Variants in ZNF7 observed in about 807,000 individuals in gnomAD.
ZNF7 encodes C2-H2 type zinc finger protein.
In ZNF7, 10 loss-of-function variants were observed where a neutral mutation model predicts 12.0. The ratio of observed to expected loss-of-function variants is 0.83; its 90% CI spans 0.51 to 1.42. The LOEUF (loss-of-function observed/expected upper bound fraction) is 1.42. Among genes scored for constraint, ZNF7 ranks in the 40% most tolerant of loss-of-function variants. The pLI is 0.00. For missense variants in ZNF7, 854 were observed against 837.2 expected (o/e 1.02, Z -0.25); for synonymous variants, 334 against 295.0 (o/e 1.13, Z -1.35).
Position 144,827,571 on chromosome 8 carries a change from C to A in ZNF7, c.-84C>A. The A allele has an allele frequency of 3.0e-6, 3 of 985,726 alleles. No individual in the cohort carries two copies. The highest frequency in any genetic ancestry group is 3.6e-6 in the Non-Finnish European group (3 of 830,190). 61.1% of individuals were successfully genotyped at this position (985,726 alleles called of 1,614,324 possible). A position where few individuals can be genotyped will look rare whatever the true frequency, so the allele number is the denominator to read the frequency against. ...GGTGGCCAAGGCCCGTTTCCGGCGG[C>A]GTCGCGCGTTTGCGAGCCTCGGGTG... is the stretch of plus-strand genomic sequence containing the variant. On this transcript the variant is annotated 5_prime_UTR_variant, in exon 1 of 5. Transcript: ENST00000532777.
intron 4 of ZNF7, among the ~76,000 whole-genome samples, chr8:144,840,242 C>G (rs1335040982): frequency 6.6e-6 from 1 of 152,222 alleles, no homozygotes; most frequent in Non-Finnish European, 1.5e-5. Flanking sequence ...GCCTCCTGTC[C>G]TCACAGGCCT....
chr8:144,829,187 T>C, intron 2 of ZNF7, 97 bp downstream of exon 2: 1 of 1,591,750 alleles, frequency 6.3e-7, no homozygotes. Flanking sequence ...ACCTTGGCCC[T>C]TGCTGGGCTT....
In ZNF7 at chr8:144,842,251, A is replaced by G; in HGVS notation, c.1144A>G (p.Arg382Gly). 6.2e-7 allele frequency: 1 copy of G among 1,614,144 alleles called. No individual in the cohort carries two copies. Among genetic ancestry groups the G allele is most frequent in the Non-Finnish European group, 8.5e-7 (1 of 1,180,036 alleles). ...SQSSTLAQHQ[R>G]MHTGEKAQIL... ...GAGCTCCACCCTAGCCCAGCATCAA[A>G]GGATGCATACTGGGGAGAAAGCTCA... Residue 382 changes from arginine to glycine, a missense_variant, in exon 5 of 5, where the codon AGG becomes GGG. Coordinates refer to ENST00000532777, the MANE Select transcript of ZNF7 (RefSeq NM_003416.4).
chr8:144,841,925 C>A lies in ZNF7; in HGVS notation c.818C>A (p.Thr273Lys). 6.2e-7 allele frequency: 1 copy of A among 1,614,152 alleles called. No homozygotes were observed. Among genetic ancestry groups the A allele is most frequent in the South Asian group, 1.1e-5 (1 of 91,076 alleles). Residue 273 changes from threonine (T) to lysine (K), a missense_variant, in exon 5 of 5, where the codon ACG (threonine) becomes AAG (lysine). Thr to Lys is a moderately conservative substitution (Grantham distance 78). Coordinates refer to ENST00000532777, the MANE Select transcript of ZNF7 (RefSeq NM_003416.4). ...CTTAATCAGCATCAGAGAATCCACA[C>A]GGGAGAGAAACCCTTTAAATGCACT... ...SQLNQHQRIH[T>K]GEKPFKCTEC...
At chr8:144,829,329 T>C (rs1208708469) in intron 2 of ZNF7, 149 bp from the exon 3 acceptor site, 6 of 1,540,380 alleles carry the variant, frequency 3.9e-6, no homozygotes, top group Non-Finnish European at 5.2e-6. Context: ...TCCCCGAGAC[T>C]GCCCCTCCCC....
Position 144,842,419 on chromosome 8 carries a change from G to C in ZNF7, c.1312G>C (p.Glu438Gln). ...TCAGCATCAGCTGATTCACACTGGAGAGAAGCCTTATAAATGCAACAAGTG... is the reference window on the plus strand; with the variant it reads ...TCAGCATCAGCTGATTCACACTGGACAGAAGCCTTATAAATGCAACAAGTG... ...LSQHQLIHTG[E>Q]KPYKCNKCTK... Residue 438 changes from glutamate to glutamine, a missense_variant, in exon 5 of 5, where the codon GAG (glutamate) becomes CAG (glutamine). Coordinates refer to ENST00000532777, the MANE Select transcript of ZNF7 (RefSeq NM_003416.4). The C allele has an allele frequency of 6.2e-7, 1 of 1,614,164 alleles. No individual in the cohort carries two copies.
At chr8:144,830,995 G>A (rs1436990255) in intron 3 of ZNF7, 2 of 456,234 alleles carry the variant, frequency 4.4e-6, no homozygotes, top group Admixed American at 2.3e-5. Context: ...ATGGCAACCT[G>A]TGGGCCTGGC....
chr8:144,830,906 G>GCC (rs1176867492), intron 3 of ZNF7: 2 of 457,926 alleles, frequency 4.4e-6, no homozygotes, highest in Non-Finnish European at 8.8e-6. Context: ...GCCGGAGTAA[G>GCC]GGTACTTCTA....
intron 4 of ZNF7, chr8:144,838,056 GC>G (rs34966207): frequency 0.053 from 37,351 of 702,602 alleles, 4,106 homozygotes; most frequent in African/African-American, 0.35. Context: ...GCAGGGCCGT[GC>G]CCCCCTGTGA....
chr8:144,842,306 T>A lies in ZNF7; in HGVS notation c.1199T>A (p.Leu400His), dbSNP rs1830040677. ...CTAAAAGCCTCAGACAGTCCAAGCC[T>A]TGTTGCACATCAGAGAATTCACGCT... is the stretch of plus-strand genomic sequence containing the variant. The part of the protein sequence containing the change: ...QILKASDSPS[L>H]VAHQRIHAVE... The change falls in exon 5 of 5, where the codon CTT becomes CAT. Residue 400 changes from leucine (L) to histidine (H), a missense_variant. By Grantham distance (99) the Leu-to-His change is moderately conservative. Transcript: ENST00000532777. 1 of 1,613,872 alleles carries A rather than the reference T, an allele frequency of 6.2e-7. No individual in the cohort carries two copies. Among genetic ancestry groups the A allele is most frequent in the African/African-American group, 1.3e-5 (1 of 74,928 alleles).
At chr8:144,840,147 C>G (rs1829687757) in intron 4 of ZNF7, among the ~76,000 whole-genome samples, 1 of 152,194 alleles carries the variant, frequency 6.6e-6, no homozygotes, top group East Asian at 1.9e-4. Flanking sequence ...GGAGGAGTGT[C>G]AAGCAAGCCC....
At position 144,842,496 on chromosome 8, in the gene ZNF7, C is replaced by T. The variant is rs774639361; in HGVS notation, c.1389C>T (p.His463=). 6 of 1,614,080 alleles carry T rather than the reference C, an allele frequency of 3.7e-6. No homozygotes were observed. In the East Asian group the frequency reaches 1.3e-4, roughly 36 times the overall value. The change falls in exon 5 of 5, where the codon CAC becomes CAT. Residue 463 remains histidine, a synonymous_variant. Coordinates refer to ENST00000532777, the MANE Select transcript of ZNF7 (RefSeq NM_003416.4). ...GGCTTATTCGCCATCAGAGAACTCA[C>T]ACTGGAGAAAAACCATTTAAATGTG... The part of the protein sequence containing the change: ...SSRLIRHQRT[H]TGEKPFKCDE...
rs866792452 is a variant in ZNF7, at chr8:144,843,094, A to G, written c.1987A>G (p.Lys663Glu). 6.2e-7 allele frequency: 1 copy of G among 1,612,954 alleles called. No individual in the cohort carries two copies. Among genetic ancestry groups the G allele is most frequent in the Non-Finnish European group, 8.5e-7 (1 of 1,179,682 alleles). ...QRIHTGEKPYKCNDCGKAFNR... is the reference protein window; with the variant it reads ...QRIHTGEKPYECNDCGKAFNR... ...AATTCACACCGGGGAGAAGCCTTATAAATGCAATGACTGTGGCAAAGCTTT... is the reference window on the plus strand; with the variant it reads ...AATTCACACCGGGGAGAAGCCTTATGAATGCAATGACTGTGGCAAAGCTTT... The change falls in exon 5 of 5, where the codon AAA (lysine) becomes GAA (glutamate). Residue 663 changes from lysine to glutamate, a missense_variant. Lys to Glu is a moderately conservative substitution (Grantham distance 56, BLOSUM62 1). Coordinates refer to ENST00000532777, the MANE Select transcript of ZNF7 (RefSeq NM_003416.4).
chr8:144,828,774 A>G (rs891860175), intron 1 of ZNF7: 17 of 517,362 alleles, frequency 3.3e-5, no homozygotes, highest in African/African-American at 7.6e-5. Flanking sequence ...CTGTATCCCC[A>G]TTACTCAGTG....
downstream of ZNF7, among the ~76,000 whole-genome samples, chr8:144,844,984 A>G (rs918803275): frequency 1.2e-4 from 18 of 152,106 alleles, no homozygotes; most frequent in African/African-American, 3.6e-4. Context: ...CAGTGGGGGT[A>G]GACCAGCAGA....
chr8:144,846,236 C>T, downstream of ZNF7: 1 of 1,483,400 alleles, frequency 6.7e-7, no homozygotes. Flanking sequence ...CAGCAACCAG[C>T]CAAAAAGGGG....
chr8:144,834,597 C>T (rs970089662), intron 3 of ZNF7: 1 of 151,830 alleles, frequency 6.6e-6, no homozygotes, highest in East Asian at 1.9e-4. Flanking sequence ...GTTATATTTT[C>T]TTGTATTCCT....
At chr8:144,846,011 C>G, downstream of ZNF7, 1 of 1,536,534 alleles carries the variant, frequency 6.5e-7, no homozygotes, top group Non-Finnish European at 8.7e-7. Context: ...GGGACAAGAG[C>G]CAAGGCACCC....
downstream of ZNF7, among the ~76,000 whole-genome samples, chr8:144,844,935 A>T (rs941737763): frequency 6.6e-6 from 1 of 151,492 alleles, no homozygotes; most frequent in Non-Finnish European, 1.5e-5. Flanking sequence ...AGGGAGAGGA[A>T]GTGGGGAAAA....
Sources: allele counts gnomAD v4.1 joint callset (sites outside exome capture counted in the v4.1 genomes callset), GRCh38; gene constraint gnomAD v4.1.1; transcripts MANE v1.5; gene names NCBI Gene and HGNC (gene_info 2026-07-23, HGNC 2026-07-21).